Variants in DEPDC5 observed in about 807,000 individuals in gnomAD.
DEPDC5 encodes the protein GATOR1 complex protein DEPDC5.
DEPDC5 carries 73 observed loss-of-function variants against 217.3 expected under a neutral mutation model. The ratio of observed to expected loss-of-function variants is 0.34; its 90% confidence interval spans 0.28 to 0.41. DEPDC5 has a LOEUF of 0.41. DEPDC5 is among the 10% of genes least tolerant of loss of function. The probability of loss-of-function intolerance (pLI) is 1.00; values close to 1 mark genes in which losing one functional copy is unlikely to be tolerated. For missense variants in DEPDC5, 1,675 were observed against 2,070.1 expected (o/e 0.81, Z 3.70); for synonymous variants, 733 against 756.7 (o/e 0.97, Z 0.51).
In DEPDC5 at chr22:31,780,872, T is replaced by C. The variant is rs1176272450; in HGVS notation, c.483+2704T>C. Among the ~76,000 whole-genome samples the C allele has an allele frequency of 2.6e-5, 4 of 152,280 alleles. No homozygotes were observed. In the East Asian group the frequency reaches 7.7e-4, roughly 29 times the overall value. On this transcript the variant is annotated intron_variant, in intron 8 of 42. Coordinates refer to ENST00000651528, the MANE Select transcript of DEPDC5 (RefSeq NM_001242896.3). ...TGGCATGTCTACTGGCACCTAGTAG[T>C]CTCTCAAATGTTGGTGGAGTGAAAT...
At chr22:31,795,700 TTA>T (rs2086165074) in intron 12 of DEPDC5, among the ~76,000 whole-genome samples, 1 of 151,828 alleles carries the variant, frequency 6.6e-6, no homozygotes, top group African/African-American at 2.4e-5. Context: ...GGTTCTCTTT[TTA>T]TATGTTTTAA....
chr22:31,796,026 G>A (rs185444209), intron 12 of DEPDC5, among the ~76,000 whole-genome samples: 4 of 150,662 alleles, frequency 2.7e-5, no homozygotes, highest in South Asian at 2.1e-4. Flanking sequence ...CACTGTGCCC[G>A]GCCATAAACC....
intron 24 of DEPDC5, chr22:31,831,164 T>C (rs2090567993): frequency 6.6e-6 from 1 of 151,948 alleles, no homozygotes; most frequent in South Asian, 2.1e-4. Context: ...AAATAGAGCA[T>C]CTGTAAAGTT....
chr22:31,861,352 C>T lies in DEPDC5; in HGVS notation c.3265-16C>T, dbSNP rs1212448725. 1.9e-6 allele frequency: 3 copies of T among 1,551,400 alleles called. No individual in the cohort carries two copies. Among genetic ancestry groups the T allele is most frequent in the East Asian group, 4.9e-5 (2 of 40,902 alleles). ...CTTGCAACTGCTGCTGCTGCTTCCT[C>T]CTCCTGTGACTTCAGGACGGGGCCT... On this transcript the variant is annotated splice_polypyrimidine_tract_variant and intron_variant, in intron 32 of 42. Coordinates refer to ENST00000651528, the MANE Select transcript of DEPDC5 (RefSeq NM_001242896.3).
intron 21 of DEPDC5, chr22:31,815,633 A>G (rs2089007083): frequency 1.7e-6 from 1 of 580,078 alleles, no homozygotes; most frequent in East Asian, 3.0e-5. Flanking sequence ...TCCTGGACTC[A>G]ATTGATCCTC....
At position 31,906,368 on chromosome 22, in the gene DEPDC5, C is replaced by T. The variant is rs370189053; in HGVS notation, c.4683C>T (p.Ser1561=). The T allele has an allele frequency of 1.1e-4, 172 of 1,614,098 alleles. 2 individuals are homozygous for T. The Admixed American group carries it at 1.9e-3, about 18-fold the overall frequency. The change falls in exon 43 of 43, where the codon AGC becomes AGT. Residue 1561 remains serine (S), a synonymous_variant. Coordinates refer to ENST00000651528, the MANE Select transcript of DEPDC5 (RefSeq NM_001242896.3). This position sits in a 1 kb window ranked among gnomAD's most constrained non-coding sequence, Gnocchi z 5.1. The part of the protein sequence containing the change: ...NTMLTKTWRS[S]ATGDEKFADR... ...TGCTCACCAAAACATGGCGCTCCAG[C>T]GCCACAGGGGATGAAAAGTTTGCTG...
intron 38 of DEPDC5, among the ~76,000 whole-genome samples, chr22:31,887,758 A>G (rs1441162864): frequency 6.6e-6 from 1 of 152,158 alleles, no homozygotes; most frequent in African/African-American, 2.4e-5. Context: ...ATTCTATCCA[A>G]TAACAGCTCT....
At chr22:31,870,352 T>A (rs546748897) in intron 33 of DEPDC5, among the ~76,000 whole-genome samples, 1 of 151,760 alleles carries the variant, frequency 6.6e-6, no homozygotes, top group African/African-American at 2.4e-5. Flanking sequence ...AGGGTGGGAG[T>A]TCCCAGCTGC....
At position 31,843,683 on chromosome 22, in the gene DEPDC5, G is replaced by C. The variant is rs185576553; in HGVS notation, c.2672G>C (p.Ser891Thr). 5.7e-4 allele frequency: 919 copies of C among 1,613,524 alleles called. 2 individuals are homozygous for C. Among genetic ancestry groups the C allele is most frequent in the Non-Finnish European group, 7.4e-4 (869 of 1,179,578 alleles). ...TCTGCCCAGATCCACTACACCTACAGCCTCTGTCCTTCCCACTCAGACTCA... is the reference window on the plus strand; with the variant it reads ...TCTGCCCAGATCCACTACACCTACACCCTCTGTCCTTCCCACTCAGACTCA... Reference protein sequence around the residue: ...YESAQIHYTYSLCPSHSDSEF... With the variant: ...YESAQIHYTYTLCPSHSDSEF... The change falls in exon 29 of 43, where the codon AGC becomes ACC. Residue 891 changes from serine (S) to threonine (T), a missense_variant. By Grantham distance (58) the Ser-to-Thr change is moderately conservative. Coordinates refer to ENST00000651528, the MANE Select transcript of DEPDC5 (RefSeq NM_001242896.3).
chr22:31,767,997 G>A (rs1056002807), intron 6 of DEPDC5, among the ~76,000 whole-genome samples: 4 of 151,802 alleles, frequency 2.6e-5, no homozygotes, highest in South Asian at 2.1e-4. Flanking sequence ...GTCCCATCTC[G>A]GCCTCCCAAA....
chr22:31,791,953 AAT>A, intron 10 of DEPDC5, 78 bp from the exon 11 acceptor site: 3 of 532,604 alleles, frequency 5.6e-6, no homozygotes, highest in Non-Finnish European at 9.2e-6. Context: ...AAAAAAAAAG[AAT>A]ATTATATGCA....
Position 31,906,668 on chromosome 22 carries a change from C to G in DEPDC5, c.*171C>G, listed in dbSNP as rs538302377. 4 of 868,306 alleles carry G rather than the reference C, an allele frequency of 4.6e-6. No homozygotes were observed. Among genetic ancestry groups the G allele is most frequent in the South Asian group, 1.7e-5 (1 of 57,892 alleles). The allele number at this position is 868,306 out of a possible 1,614,324, so 53.8% of individuals were successfully genotyped here. A position where few individuals can be genotyped will look rare whatever the true frequency, so the allele number is the denominator to read the frequency against. ...TTTGTTTGTTTGTTTTTGGCCCCCA[C>G]GACAAGTCTTCTACTCTAGAAGAAA... On this transcript the variant is annotated 3_prime_UTR_variant, in exon 43 of 43. Coordinates refer to ENST00000651528, the MANE Select transcript of DEPDC5 (RefSeq NM_001242896.3). This position sits in a 1 kb window ranked among gnomAD's most constrained non-coding sequence, Gnocchi z 5.1.
chr22:31,769,811 C>T (rs114476693), intron 7 of DEPDC5: 1,650 of 152,064 alleles, frequency 0.011, 29 homozygotes, highest in African/African-American at 0.036. Flanking sequence ...AGTCCAGCTA[C>T]CCGGGAGGCT....
rs534230018 is a variant in DEPDC5 at position 31,766,778 on chromosome 22, A to G, written c.363+110A>G. The G allele has an allele frequency of 4.2e-5, 38 of 902,646 alleles. No homozygotes were observed. The Admixed American group carries it at 6.7e-4, about 16-fold the overall frequency. 55.9% of individuals were successfully genotyped at this position (902,646 alleles called of 1,614,324 possible). A position where few individuals can be genotyped will look rare whatever the true frequency, so the allele number is the denominator to read the frequency against. ...CGTTTCTGATTTTATATCAGCATCT[A>G]CAGACAATTATTGTCAACGTCTTCT... On this transcript the variant is annotated intron_variant, in intron 6 of 42. Transcript: ENST00000651528.
intron 14 of DEPDC5, among the ~76,000 whole-genome samples, chr22:31,801,518 G>A (rs1170778100): frequency 6.6e-6 from 1 of 152,144 alleles, no homozygotes. Context: ...TACTGATTTA[G>A]TTTAAACAAA....
chr22:31,901,187 G>A (rs1306068102), intron 40 of DEPDC5, among the ~76,000 whole-genome samples: 1 of 150,710 alleles, frequency 6.6e-6, no homozygotes, highest in Admixed American at 6.6e-5. Flanking sequence ...AGGTTGCAGT[G>A]AGCCAAGATC....
intron 31 of DEPDC5, among the ~76,000 whole-genome samples, chr22:31,856,153 G>GCACACACCCA (rs771652884): frequency 9.2e-6 from 1 of 108,166 alleles, no homozygotes. Context: ...TTGGGCCAAC[G>GCACACACCCA]CGCACACACA....
chr22:31,827,488 T>G (rs1457213612), intron 24 of DEPDC5, among the ~76,000 whole-genome samples: 1 of 152,238 alleles, frequency 6.6e-6, no homozygotes, highest in Non-Finnish European at 1.5e-5. Context: ...GCGAGTTACC[T>G]GGTCTTGGGC....
At chr22:31,771,846 T>A (rs2083397292) in intron 7 of DEPDC5, among the ~76,000 whole-genome samples, 1 of 151,184 alleles carries the variant, frequency 6.6e-6, no homozygotes, top group African/African-American at 2.4e-5. Flanking sequence ...AGGTGGGTAG[T>A]TTGCTTGAGC....
Sources: allele counts gnomAD v4.1 joint callset (sites outside exome capture counted in the v4.1 genomes callset), GRCh38; gene constraint gnomAD v4.1.1; non-coding constraint Gnocchi (gnomAD v3.1); transcripts MANE v1.5; gene names NCBI Gene and HGNC (gene_info 2026-07-23, HGNC 2026-07-21).